Variants in PIK3CD observed in about 807,000 individuals in gnomAD.
PIK3CD encodes phosphatidylinositol 4,5-bisphosphate 3-kinase catalytic subunit delta isoform.
In PIK3CD, 20 loss-of-function variants were observed where a neutral mutation model predicts 122.9. The observed-to-expected ratio is 0.16, with a 90% CI of 0.11 to 0.24. The LOEUF (loss-of-function observed/expected upper bound fraction) is 0.24. PIK3CD is among the 10% of genes least tolerant of loss of function. The pLI, the probability that PIK3CD is intolerant of heterozygous loss-of-function variation, is 1.00. For synonymous variants in PIK3CD, 596 were observed against 593.4 expected, an observed-to-expected ratio of 1.00 and a Z score of -0.06; for missense variants, 787 against 1,406.3, an observed-to-expected ratio of 0.56 and a Z score of 7.04.
intron 3 of PIK3CD, among the ~76,000 whole-genome samples, chr1:9,712,765 G>T (rs1647107744): frequency 4.6e-5 from 7 of 152,184 alleles, no homozygotes; most frequent in Admixed American, 4.6e-4. Context: ...GCCTGGCATG[G>T]TGGCTCATGC....
At chr1:9,682,333 C>T (rs1215870678) in intron 1 of PIK3CD, among the ~76,000 whole-genome samples, 13 of 151,612 alleles carry the variant, frequency 8.6e-5, no homozygotes, top group African/African-American at 1.9e-4. Flanking sequence ...CTACAACCTC[C>T]GCCTCCAGGG....
the PIK3CD span, among the ~76,000 whole-genome samples, chr1:9,630,695 G>T: frequency 1.4e-5 from 2 of 145,266 alleles, no homozygotes; most frequent in African/African-American, 5.3e-5. Context: ...TGAGTAGTTA[G>T]CAAAGAAAGT....
the PIK3CD span, among the ~76,000 whole-genome samples, chr1:9,643,615 A>G: frequency 6.6e-6 from 1 of 152,192 alleles, no homozygotes; most frequent in Non-Finnish European, 1.5e-5. Flanking sequence ...TCAAAAACTC[A>G]CATTTTCTGA....
At chr1:9,684,099 G>T (rs1645873731) in intron 1 of PIK3CD, among the ~76,000 whole-genome samples, 1 of 152,104 alleles carries the variant, frequency 6.6e-6, no homozygotes, top group South Asian at 2.1e-4. Context: ...CACCTCTCAA[G>T]TCACTTAGCA....
At chr1:9,648,092 A>G (rs796342982), upstream of PIK3CD, among the ~76,000 whole-genome samples, 2 of 152,336 alleles carry the variant, frequency 1.3e-5, no homozygotes, top group African/African-American at 4.8e-5. Flanking sequence ...GTCCCAATCA[A>G]TGGCCTCCTG....
At chr1:9,640,342 G>A in the PIK3CD span, among the ~76,000 whole-genome samples, 1 of 152,074 alleles carries the variant, frequency 6.6e-6, no homozygotes, top group Non-Finnish European at 1.5e-5. Flanking sequence ...CACTTTGGGA[G>A]GCCAAGGCAG....
rs993027263 is a variant in PIK3CD, at chr1:9,719,863, G to A, written c.1243-58G>A. The stretch of plus-strand genomic sequence containing the variant: ...GGGTGGGGTGCCTGGGGGAGGGCAG[G>A]GAAGCTGGGTCTGGAGGCCCCTGAG... On this transcript the variant is annotated intron_variant, in intron 9 of 23. Coordinates refer to ENST00000377346, the MANE Select transcript of PIK3CD (RefSeq NM_005026.5). This position sits in a 1 kb window ranked among gnomAD's most constrained non-coding sequence, Gnocchi z 5.5. The A allele has an allele frequency of 1.1e-5, 16 of 1,414,204 alleles. No homozygotes were observed. Among genetic ancestry groups the A allele is most frequent in the Non-Finnish European group, 1.5e-5 (15 of 998,686 alleles). 87.6% of individuals were successfully genotyped at this position (1,414,204 alleles called of 1,614,324 possible).
At chr1:9,633,196 T>C in the PIK3CD span, among the ~76,000 whole-genome samples, 3 of 151,936 alleles carry the variant, frequency 2.0e-5, no homozygotes, top group African/African-American at 4.8e-5. Flanking sequence ...GTACTTTGGC[T>C]TAGGAATTCT....
intron 1 of PIK3CD, among the ~76,000 whole-genome samples, chr1:9,688,018 G>A (rs1044240796): frequency 6.6e-6 from 1 of 152,186 alleles, no homozygotes; most frequent in Non-Finnish European, 1.5e-5. Flanking sequence ...CTGGCTGCGC[G>A]CGCCCTGGCT....
rs1321426065 is a variant in PIK3CD at position 9,728,822 on chromosome 1, T to C, written c.*1776T>C. 1 of 152,268 alleles carries C rather than the reference T, an allele frequency of 6.6e-6. No homozygotes were observed. The highest frequency in any genetic ancestry group is 2.4e-5 in the African/African-American group (1 of 41,472). The allele number at this position is 152,268 out of a possible 1,614,324, so 9.4% of individuals were successfully genotyped here. ...ATTTTTTTAAGTCATTTCATGTTTC[T>C]GTCTGGGGAAGGCAAGTTAGTTAAG... On this transcript the variant is annotated 3_prime_UTR_variant, in exon 24 of 24. Coordinates refer to ENST00000377346, the MANE Select transcript of PIK3CD (RefSeq NM_005026.5).
rs1647751873 is a variant in PIK3CD, at chr1:9,717,724, G to A, written c.1020+98G>A. The A allele has an allele frequency of 9.3e-7, 1 of 1,080,202 alleles. No individual in the cohort carries two copies. The highest frequency in any genetic ancestry group is 1.3e-5 in the South Asian group (1 of 75,852). 66.9% of individuals were successfully genotyped at this position (1,080,202 alleles called of 1,614,324 possible). On this transcript the variant is annotated intron_variant, in intron 8 of 23. Coordinates refer to ENST00000377346, the MANE Select transcript of PIK3CD (RefSeq NM_005026.5). This position sits in a 1 kb window ranked among gnomAD's most constrained non-coding sequence, Gnocchi z 5.4. ...AGCAGAGGAAGGAGGGGGATCACAT[G>A]AAAGCCACCTGACCACATTACCCAG...
intron 1 of PIK3CD, among the ~76,000 whole-genome samples, chr1:9,669,612 C>T (rs1645263359): frequency 6.6e-6 from 1 of 152,138 alleles, no homozygotes; most frequent in Admixed American, 6.6e-5. Flanking sequence ...GGGCATGAGC[C>T]TGCGCCAGAC....
intron 1 of PIK3CD, among the ~76,000 whole-genome samples, chr1:9,667,515 C>T (rs1279514146): frequency 3.3e-5 from 5 of 150,030 alleles, no homozygotes. Context: ...TAGCTGGGAC[C>T]ACAGGCTCAC....
intron 1 of PIK3CD, among the ~76,000 whole-genome samples, chr1:9,685,144 T>G (rs12048151): frequency 0.14 from 21,724 of 152,128 alleles, 1,941 homozygotes; most frequent in South Asian, 0.25. Flanking sequence ...CAGGAGAGCA[T>G]GGGCCTCTTA....
chr1:9,724,982 C>T lies in PIK3CD; in HGVS notation c.2997+46C>T. 1 of 1,610,042 alleles carries T rather than the reference C, an allele frequency of 6.2e-7. No homozygotes were observed. Among genetic ancestry groups the T allele is most frequent in the South Asian group, 1.1e-5 (1 of 90,880 alleles). The stretch of plus-strand genomic sequence containing the variant: ...TGCTGTCGCCAGTGGACTTCCAAGG[C>T]CTGCCCCCGAGCAATGTGACCTAGG... On this transcript the variant is annotated intron_variant, in intron 23 of 23. Coordinates refer to ENST00000377346, the MANE Select transcript of PIK3CD (RefSeq NM_005026.5). The surrounding 1 kb of genome is among the most constrained non-coding windows in gnomAD (Gnocchi z 7.3).
chr1:9,698,391 C>A (rs112358847), intron 2 of PIK3CD, among the ~76,000 whole-genome samples: 1 of 152,352 alleles, frequency 6.6e-6, no homozygotes, highest in African/African-American at 2.4e-5. Flanking sequence ...ATCCACCTGC[C>A]TCAGCCTCCC....
At chr1:9,630,632 C>T in the PIK3CD span, among the ~76,000 whole-genome samples, 1 of 152,164 alleles carries the variant, frequency 6.6e-6, no homozygotes, top group African/African-American at 2.4e-5. Flanking sequence ...TGAAGGGCCC[C>T]TTCGGGCAAG....
At chr1:9,690,306 C>T (rs910466454) in intron 1 of PIK3CD, among the ~76,000 whole-genome samples, 1 of 152,214 alleles carries the variant, frequency 6.6e-6, no homozygotes, top group African/African-American at 2.4e-5. Flanking sequence ...ATTTCCTGAC[C>T]CGAATTCCTG....
At chr1:9,683,437 C>CAAAA (rs60086471) in intron 1 of PIK3CD, among the ~76,000 whole-genome samples, 1 of 124,622 alleles carries the variant, frequency 8.0e-6, no homozygotes, top group Non-Finnish European at 1.7e-5. Flanking sequence ...GACTCTGTCT[C>CAAAA]AAAAAAAAAA....
Sources: gnomAD v4.1 joint callset for allele counts (sites outside exome capture counted in the v4.1 genomes callset) on GRCh38, gnomAD v4.1.1 for gene constraint, Gnocchi (gnomAD v3.1) non-coding constraint, MANE v1.5 for transcripts, NCBI Gene and HGNC (gene_info 2026-07-23, HGNC 2026-07-21) for gene names.